The following TPTE2 variants were observed in gnomAD, a reference collection of about 807,000 sequenced individuals.
TPTE2 encodes transmembrane phosphoinositide 3-phosphatase and tensin homolog 2.
TPTE2 carries 53 observed loss-of-function variants against 78.6 expected under a neutral mutation model. The ratio of observed to expected loss-of-function variants is 0.67; its 90% CI spans 0.54 to 0.85. TPTE2 has a LOEUF of 0.85. Ranked by LOEUF, TPTE2 falls within the 40% of genes least tolerant of loss-of-function variation. The probability of loss-of-function intolerance (pLI) is 0.00; values close to 1 mark genes in which losing one functional copy is unlikely to be tolerated. For synonymous variants in TPTE2, 175 were observed against 206.2 expected (o/e 0.85, Z 1.30); for missense variants, 461 against 623.0 (o/e 0.74, Z 2.77).
rs192406557 is a variant in TPTE2, at chr13:19,430,394, G to A, written c.1302+74C>T. On this transcript the variant is annotated intron_variant, in intron 17 of 19. Coordinates refer to ENST00000400230, the Ensembl canonical transcript of TPTE2. ...TTTATGGTGAGTGATAGTTTATGGAGGTGAACATTGCTGGTTTGACATTCA... is the reference window on the plus strand; with the variant it reads ...TTTATGGTGAGTGATAGTTTATGGAAGTGAACATTGCTGGTTTGACATTCA... 2.7e-4 allele frequency: 296 copies of A among 1,098,488 alleles called. No homozygotes were observed. In the African/African-American group the frequency reaches 4.2e-3, roughly 15 times the overall value. 68.0% of individuals were successfully genotyped at this position (1,098,488 alleles called of 1,614,324 possible).
intron 13 of TPTE2, among the ~76,000 whole-genome samples, chr13:19,445,110 T>A (rs1877742050): frequency 6.6e-6 from 1 of 152,096 alleles, no homozygotes; most frequent in Admixed American, 6.5e-5. Context: ...ATGATGGTAA[T>A]ACAATTAAGA....
At chr13:19,560,631 AG>A in the TPTE2 span, 1 of 1,578,334 alleles carries the variant, frequency 6.3e-7, no homozygotes. Context: ...GGTGCCCATC[AG>A]GGCCAGCAGG....
the TPTE2 span, chr13:19,560,822 G>A: frequency 2.8e-4 from 423 of 1,526,236 alleles, no homozygotes; most frequent in Non-Finnish European, 3.1e-4. Context: ...CCCGGACGCG[G>A]TCCAGGCGCG....
Position 19,463,573 on chromosome 13 carries a change from C to T in TPTE2, c.741+883G>A, listed in dbSNP as rs139956080. Among the ~76,000 whole-genome samples the T allele has an allele frequency of 5.9e-5, 9 of 152,178 alleles. No individual in the cohort carries two copies. The East Asian group carries it at 1.7e-3, about 29-fold the overall frequency. ...CTTGCTTTTCATGTTTCTTGTGGCC[C>T]TAAACTGATTTTTGCACATCTGGGG... On this transcript the variant is annotated intron_variant, in intron 10 of 19. Transcript: ENST00000400230.
intron 3 of TPTE2, among the ~76,000 whole-genome samples, chr13:19,482,812 T>C (rs1366723263): frequency 6.6e-6 from 1 of 150,734 alleles, no homozygotes; most frequent in Non-Finnish European, 1.5e-5. Flanking sequence ...TATATGTATA[T>C]AAAGATATAT....
At chr13:19,422,881 A>G (rs1000534988), downstream of TPTE2, 3 of 502,536 alleles carry the variant, frequency 6.0e-6, no homozygotes, top group Non-Finnish European at 9.1e-6. Context: ...CTGACATTTT[A>G]TCTATATATA....
chr13:19,463,156 G>A (rs1368038875), intron 10 of TPTE2, among the ~76,000 whole-genome samples: 6 of 150,576 alleles, frequency 4.0e-5, no homozygotes, highest in Non-Finnish European at 5.9e-5. Context: ...ACTAATTTTT[G>A]TATTTTTTAG....
At chr13:19,429,830 T>C (rs1419394328) in intron 17 of TPTE2, among the ~76,000 whole-genome samples, 1 of 152,220 alleles carries the variant, frequency 6.6e-6, no homozygotes, top group African/African-American at 2.4e-5. Flanking sequence ...TATATAGTTT[T>C]AGGCATTTCT....
chr13:19,473,953 A>C, exon 6 of TPTE2: 2 of 1,605,848 alleles, frequency 1.2e-6, no homozygotes, highest in Non-Finnish European at 1.7e-6. Flanking sequence ...CATGAGAAAA[A>C]ATAAGCCAAT....
chr13:19,516,860 A>T (rs575789775), intron 1 of TPTE2, among the ~76,000 whole-genome samples: 2 of 152,330 alleles, frequency 1.3e-5, no homozygotes, highest in African/African-American at 2.4e-5. Flanking sequence ...TTTGTTTTTT[A>T]AATTTTTTCT....
chr13:19,430,332 C>T lies in TPTE2; in HGVS notation c.1302+136G>A, dbSNP rs1752329142. 2.5e-5 allele frequency: 17 copies of T among 684,182 alleles called. No individual in the cohort carries two copies. The East Asian group carries it at 5.1e-4, about 21-fold the overall frequency. The allele number at this position is 684,182 out of a possible 1,614,324, so 42.4% of individuals were successfully genotyped here. ...GGTTTGCATCCAAACCCAGTGACAC[C>T]AAGTTGTATGGTAACCAGAAAGCGT... On this transcript the variant is annotated intron_variant, in intron 17 of 19. Coordinates refer to ENST00000400230, the Ensembl canonical transcript of TPTE2.
At position 19,453,538 on chromosome 13, in the gene TPTE2, C is replaced by CATATATATATATATAT. The variant is rs56140648; in HGVS notation, c.742-2329_742-2314dup. Among the ~76,000 whole-genome samples the CATATATATATATATAT allele has an allele frequency of 6.4e-3, 896 of 139,984 alleles. 20 individuals are homozygous for CATATATATATATATAT. Among genetic ancestry groups the CATATATATATATATAT allele is most frequent in the African/African-American group, 0.018 (637 of 34,804 alleles). 91.8% of individuals were successfully genotyped at this position (139,984 alleles called of 152,430 possible). On this transcript the variant is annotated intron_variant, in intron 10 of 19. Transcript: ENST00000400230. ...TGATATATATATATCATTTTATAAT[C>CATATATATATATATAT]ATATATATATATATATATATATATA...
intron 10 of TPTE2, among the ~76,000 whole-genome samples, chr13:19,455,728 T>C (rs1227416853): frequency 6.6e-6 from 1 of 152,222 alleles, no homozygotes; most frequent in African/African-American, 2.4e-5. Flanking sequence ...AAGGAGTTTA[T>C]TCCAAAAATA....
At chr13:19,542,840 C>T in the TPTE2 span, among the ~76,000 whole-genome samples, 1 of 151,856 alleles carries the variant, frequency 6.6e-6, no homozygotes, top group African/African-American at 2.4e-5. Context: ...CAAATAAAAA[C>T]ATTAGCTAGG....
upstream of TPTE2, among the ~76,000 whole-genome samples, chr13:19,540,280 C>CATTATTATT (rs141067657): frequency 0.1 from 14,770 of 144,890 alleles, 832 homozygotes; most frequent in Middle Eastern, 0.13. Context: ...AATTAAATCT[C>CATTATTATT]ATTATTATTA....
At chr13:19,470,774 C>T (rs1481920931) in intron 6 of TPTE2, among the ~76,000 whole-genome samples, 2 of 151,968 alleles carry the variant, frequency 1.3e-5, no homozygotes, top group Non-Finnish European at 2.9e-5. Flanking sequence ...AAACCACCCG[C>T]CTCTGCCTCC....
intron 15 of TPTE2, among the ~76,000 whole-genome samples, chr13:19,433,201 A>G (rs1876804586): frequency 6.6e-6 from 1 of 152,046 alleles, no homozygotes; most frequent in Non-Finnish European, 1.5e-5. Context: ...TACTCAATCA[A>G]CTGGTTCAGA....
chr13:19,444,067 G>A (rs1360050998), intron 13 of TPTE2, among the ~76,000 whole-genome samples: 3 of 151,922 alleles, frequency 2.0e-5, no homozygotes, highest in African/African-American at 7.3e-5. Flanking sequence ...GGGAGGCGGA[G>A]GCTGAGGCTG....
intron 1 of TPTE2, among the ~76,000 whole-genome samples, chr13:19,514,295 C>T (rs977268061): frequency 2.0e-5 from 3 of 152,144 alleles, no homozygotes; most frequent in Non-Finnish European, 2.9e-5. Context: ...ACCAAAGATG[C>T]TTAAAGTCTC....
Sources: gnomAD v4.1 joint callset for allele counts (sites outside exome capture counted in the v4.1 genomes callset) on GRCh38, gnomAD v4.1.1 for gene constraint, MANE v1.5 for transcripts, NCBI Gene and HGNC (gene_info 2026-07-23, HGNC 2026-07-21) for gene names.